GNG7: variants seen among roughly 807,000 people sequenced by gnomAD.
GNG7 encodes guanine nucleotide-binding protein G(I)/G(S)/G(O) subunit gamma-7.
GNG7 carries 1 observed loss-of-function variant against 4.0 expected under a neutral mutation model. The observed-to-expected ratio is 0.25, with a 90% CI of 0.09 to 1.18. The LOEUF (loss-of-function observed/expected upper bound fraction) is 1.18, where lower values mean the gene tolerates loss of function less well. GNG7 is among the 50% of genes most tolerant of loss of function. The pLI, the probability that GNG7 is intolerant of heterozygous loss-of-function variation, is 0.50. For missense variants in GNG7, 86 were observed against 91.9 expected, an observed-to-expected ratio of 0.94 and a Z score of 0.26; for synonymous variants, 34 against 36.9, an observed-to-expected ratio of 0.92 and a Z score of 0.29.
intron 2 of GNG7, among the ~76,000 whole-genome samples, chr19:2,568,252 CAT>C (rs536902570): frequency 7.7e-4 from 116 of 151,348 alleles, no homozygotes; most frequent in African/African-American, 2.2e-3. Flanking sequence ...CACATATAGA[CAT>C]ACACACATAT....
At chr19:2,657,661 G>A (rs755720886) in intron 1 of GNG7, among the ~76,000 whole-genome samples, 2 of 151,710 alleles carry the variant, frequency 1.3e-5, no homozygotes, top group Admixed American at 1.3e-4. Flanking sequence ...AGACCAGCCT[G>A]GGCAACATAG....
intron 3 of GNG7, among the ~76,000 whole-genome samples, chr19:2,521,612 GTTTTTTTTT>G (rs71178284): frequency 9.6e-6 from 1 of 104,702 alleles, no homozygotes; most frequent in East Asian, 3.3e-4. Context: ...CCCCCTCCGT[GTTTTTTTTT>G]TTTTTTTTTT....
intron 2 of GNG7, among the ~76,000 whole-genome samples, chr19:2,644,469 G>A (rs72978728): frequency 0.076 from 11,320 of 149,314 alleles, 541 homozygotes; most frequent in South Asian, 0.23. Context: ...TTCTTTCTGA[G>A]TATTATCTGC....
At chr19:2,687,600 G>C (rs1438209747) in intron 1 of GNG7, among the ~76,000 whole-genome samples, 2 of 151,924 alleles carry the variant, frequency 1.3e-5, no homozygotes, top group African/African-American at 4.8e-5. Context: ...TGGGCAACAA[G>C]AGTGAAACTC....
rs950086120 is a variant in GNG7 at position 2,618,738 on chromosome 19, C to T, written c.-78+27486G>A. ...AAAGAGAGAGTCCCCGCCCACGCCT[C>T]ACCAGCTTCCTCTTCAGGGGCCACC... On this transcript the variant is annotated intron_variant, in intron 2 of 4. Transcript: ENST00000382159. The surrounding 1 kb of genome is among the most constrained non-coding windows in gnomAD (Gnocchi z 5.1). Among the ~76,000 whole-genome samples, 7 of 152,146 alleles carry T rather than the reference C, an allele frequency of 4.6e-5. No homozygotes were observed. Among genetic ancestry groups the T allele is most frequent in the Admixed American group, 4.6e-4 (7 of 15,254 alleles).
At chr19:2,592,431 C>T (rs557994844) in intron 2 of GNG7, among the ~76,000 whole-genome samples, 1 of 152,134 alleles carries the variant, frequency 6.6e-6, no homozygotes, top group South Asian at 2.1e-4. Context: ...CCAAGCAAGA[C>T]TGGATGAAAG....
chr19:2,695,045 G>A (rs531629192), intron 1 of GNG7, among the ~76,000 whole-genome samples: 3 of 152,132 alleles, frequency 2.0e-5, no homozygotes, highest in South Asian at 2.1e-4. Flanking sequence ...GCATGGTGGC[G>A]TGCATCTGTA....
intron 3 of GNG7, among the ~76,000 whole-genome samples, chr19:2,548,501 A>C (rs1256896733): frequency 1.4e-5 from 2 of 147,610 alleles, no homozygotes; most frequent in Admixed American, 1.4e-4. Context: ...AAAAAAAAAA[A>C]AACCTAGCCA....
At chr19:2,542,557 C>T (rs1275835563) in intron 3 of GNG7, among the ~76,000 whole-genome samples, 3 of 152,210 alleles carry the variant, frequency 2.0e-5, no homozygotes, top group African/African-American at 4.8e-5. Flanking sequence ...AGCTTCGCGT[C>T]AGACAGCAGG....
intron 2 of GNG7, among the ~76,000 whole-genome samples, chr19:2,586,162 G>C (rs531558233): frequency 2.6e-5 from 4 of 152,284 alleles, no homozygotes; most frequent in African/African-American, 7.2e-5. Flanking sequence ...TTGTGGAACC[G>C]GGGCTGGCTC....
intron 1 of GNG7, among the ~76,000 whole-genome samples, chr19:2,695,521 G>A (rs1350124242): frequency 6.6e-6 from 1 of 152,218 alleles, no homozygotes; most frequent in Admixed American, 6.5e-5. Context: ...GAGGAAGGAA[G>A]GAAGGAGCGT....
rs1404514431 is a variant in GNG7 at position 2,539,543 on chromosome 19, G to T, written c.-38+15606C>A. Among the ~76,000 whole-genome samples the T allele has an allele frequency of 2.0e-5, 3 of 152,066 alleles. No individual in the cohort carries two copies. In the East Asian group the frequency reaches 5.8e-4, roughly 29 times the overall value. On this transcript the variant is annotated intron_variant, in intron 3 of 4. Coordinates refer to ENST00000382159, the MANE Select transcript of GNG7 (RefSeq NM_052847.3). ...TGGTCTCGAACTCCTGAACTCAGGT[G>T]ATCTGCCCGCCTCGGCCTCCCAAAG...
chr19:2,646,874 C>A (rs190775161), intron 1 of GNG7, among the ~76,000 whole-genome samples: 1 of 152,170 alleles, frequency 6.6e-6, no homozygotes, highest in Non-Finnish European at 1.5e-5. Context: ...TGGAGCCTCA[C>A]GATCTCCCTG....
intron 3 of GNG7, among the ~76,000 whole-genome samples, chr19:2,537,100 C>T (rs1214019631): frequency 6.6e-6 from 1 of 151,758 alleles, no homozygotes; most frequent in Non-Finnish European, 1.5e-5. Flanking sequence ...GTGCCCGCCA[C>T]CGCGCCCGGC....
intron 1 of GNG7, among the ~76,000 whole-genome samples, chr19:2,688,672 C>T (rs1303161576): frequency 6.6e-6 from 1 of 152,084 alleles, no homozygotes; most frequent in Non-Finnish European, 1.5e-5. Context: ...GGAGACGAGC[C>T]GGCTAAATGT....
At chr19:2,625,148 A>C (rs1981985052) in intron 2 of GNG7, among the ~76,000 whole-genome samples, 1 of 152,174 alleles carries the variant, frequency 6.6e-6, no homozygotes, top group Non-Finnish European at 1.5e-5. Flanking sequence ...AGCTCACTGC[A>C]ACCTCCGCCT....
chr19:2,528,338 C>T (rs1439873598), intron 3 of GNG7, among the ~76,000 whole-genome samples: 3 of 148,738 alleles, frequency 2.0e-5, no homozygotes, highest in South Asian at 2.1e-4. Flanking sequence ...TTTGGGAGGC[C>T]GAGGCGGGCA....
chr19:2,661,340 G>GAA (rs1983169987), intron 1 of GNG7, among the ~76,000 whole-genome samples: 1 of 146,902 alleles, frequency 6.8e-6, no homozygotes, highest in African/African-American at 2.6e-5. Flanking sequence ...AAGAAAGAAA[G>GAA]AAAGAAAGAA....
chr19:2,554,122 T>C (rs911628667), intron 3 of GNG7, among the ~76,000 whole-genome samples: 1 of 147,074 alleles, frequency 6.8e-6, no homozygotes, highest in African/African-American at 2.5e-5. Context: ...TGAGCTATGA[T>C]ATAATAGTAT....
Sources: gnomAD v4.1 joint callset for allele counts (sites outside exome capture counted in the v4.1 genomes callset) on GRCh38, gnomAD v4.1.1 for gene constraint, Gnocchi (gnomAD v3.1) non-coding constraint, MANE v1.5 for transcripts, NCBI Gene and HGNC (gene_info 2026-07-23, HGNC 2026-07-21) for gene names.